Variants in CARMIL1 observed in about 807,000 individuals in gnomAD.
CARMIL1 encodes the protein capping protein regulator and myosin 1 linker 1.
In CARMIL1, 90 loss-of-function variants were observed where a neutral mutation model predicts 177.1. The observed-to-expected ratio is 0.51, with a 90% CI of 0.43 to 0.61. CARMIL1 has a LOEUF of 0.61. Ranked by LOEUF, CARMIL1 falls within the 20% of genes least tolerant of loss-of-function variation. The pLI is 0.00. For missense variants in CARMIL1, 1,380 were observed against 1,667.0 expected (o/e 0.83, Z 3.00); for synonymous variants, 577 against 606.2 (o/e 0.95, Z 0.71).
intron 26 of CARMIL1, among the ~76,000 whole-genome samples, chr6:25,542,249 T>C (rs372927894): frequency 6.6e-6 from 1 of 152,206 alleles, no homozygotes; most frequent in Non-Finnish European, 1.5e-5. Context: ...TTCCTTCTCA[T>C]TGCATGGAAT....
chr6:25,579,257 A>AG (rs771739584), intron 29 of CARMIL1, among the ~76,000 whole-genome samples: 23 of 52,182 alleles, frequency 4.4e-4, no homozygotes, highest in South Asian at 8.9e-4. Context: ...ATCAAGAGTC[A>AG]GGAAAAAAAA....
chr6:25,429,375 CTA>C (rs987650482), intron 4 of CARMIL1, among the ~76,000 whole-genome samples: 8 of 151,540 alleles, frequency 5.3e-5, no homozygotes, highest in Non-Finnish European at 1.2e-4. Flanking sequence ...TCATAAAATC[CTA>C]TGTCTCTGAC....
intron 24 of CARMIL1, among the ~76,000 whole-genome samples, chr6:25,529,808 G>A (rs565632740): frequency 2.0e-4 from 30 of 146,980 alleles, no homozygotes; most frequent in Non-Finnish European, 3.4e-4. Context: ...ATGAACAGGA[G>A]TAGTCAGAGA....
chr6:25,553,911 G>A, intron 27 of CARMIL1, 98 bp from the exon 28 acceptor site: 1 of 737,138 alleles, frequency 1.4e-6, no homozygotes, highest in Non-Finnish European at 2.4e-6. Flanking sequence ...GACAGAAATG[G>A]AATCACAGTT....
intron 2 of CARMIL1, among the ~76,000 whole-genome samples, chr6:25,306,020 C>T (rs1783231351): frequency 6.6e-6 from 1 of 152,042 alleles, no homozygotes; most frequent in Non-Finnish European, 1.5e-5. Context: ...CAATGTTATG[C>T]AACGTATCCA....
At chr6:25,535,636 T>C (rs1010618394) in intron 24 of CARMIL1, among the ~76,000 whole-genome samples, 4 of 152,242 alleles carry the variant, frequency 2.6e-5, no homozygotes, top group African/African-American at 9.6e-5. Context: ...CCATCTTCTA[T>C]GAGGTCTTCT....
intron 2 of CARMIL1, among the ~76,000 whole-genome samples, chr6:25,403,365 C>T (rs984356312): frequency 2.6e-5 from 4 of 152,164 alleles, no homozygotes; most frequent in South Asian, 4.1e-4. Flanking sequence ...AAGCTATTGC[C>T]GTTGGCCCCT....
intron 2 of CARMIL1, chr6:25,388,240 G>A (rs1215185649): frequency 6.6e-6 from 1 of 152,182 alleles, no homozygotes; most frequent in African/African-American, 2.4e-5. Context: ...AGTATTGAAA[G>A]GCTAATTTTT....
chr6:25,293,306 T>TGTGTGTGTG, intron 2 of CARMIL1, among the ~76,000 whole-genome samples: 1 of 56,204 alleles, frequency 1.8e-5, no homozygotes, highest in East Asian at 4.2e-4. Context: ...GTGTGTGTGT[T>TGTGTGTGTG]TTGTAGCAGT....
At chr6:25,375,980 T>C (rs956158751) in intron 2 of CARMIL1, among the ~76,000 whole-genome samples, 6 of 152,238 alleles carry the variant, frequency 3.9e-5, no homozygotes, top group Admixed American at 3.9e-4. Flanking sequence ...ATTCTTTATC[T>C]GGTATTTCAA....
chr6:25,608,822 C>T (rs1040500839), intron 35 of CARMIL1, among the ~76,000 whole-genome samples: 3 of 152,104 alleles, frequency 2.0e-5, no homozygotes, highest in African/African-American at 4.8e-5. Flanking sequence ...TTGTCTTCTA[C>T]GTGCACAGAC....
intron 2 of CARMIL1, among the ~76,000 whole-genome samples, chr6:25,321,890 C>T (rs1784703237): frequency 6.6e-6 from 1 of 152,054 alleles, no homozygotes; most frequent in African/African-American, 2.4e-5. Context: ...AATCTCCTGA[C>T]CTCATGATCC....
intron 2 of CARMIL1, among the ~76,000 whole-genome samples, chr6:25,358,252 A>G (rs1010561232): frequency 2.0e-5 from 3 of 152,232 alleles, no homozygotes; most frequent in African/African-American, 4.8e-5. Context: ...AGTAAAAGAT[A>G]GATTTCATTT....
At chr6:25,403,192 G>A (rs75445224) in intron 2 of CARMIL1, among the ~76,000 whole-genome samples, 1 of 151,740 alleles carries the variant, frequency 6.6e-6, no homozygotes, top group Non-Finnish European at 1.5e-5. Flanking sequence ...TATTTCATGG[G>A]TGTAAACCAA....
chr6:25,478,607 T>C (rs923194098), intron 11 of CARMIL1, among the ~76,000 whole-genome samples: 1 of 152,094 alleles, frequency 6.6e-6, no homozygotes, highest in East Asian at 1.9e-4. Context: ...CCATCCTGGC[T>C]AACACAGTGA....
rs558268491 is a variant in CARMIL1 at position 25,537,343 on chromosome 6, A to G, written c.2068-512A>G. 8.5e-5 allele frequency among the ~76,000 whole-genome samples: 13 copies of G among 152,278 alleles called. No individual in the cohort carries two copies. The South Asian group carries it at 2.3e-3, about 27-fold the overall frequency. On this transcript the variant is annotated intron_variant, in intron 24 of 36. Coordinates refer to ENST00000329474, the MANE Select transcript of CARMIL1 (RefSeq NM_017640.6). Reference sequence around the variant, plus strand: ...AATTGAATCGATTTTTAAAATACCAATTTTTAAGAGATGTTCTGGTTTCTA... The same window carrying G: ...AATTGAATCGATTTTTAAAATACCAGTTTTTAAGAGATGTTCTGGTTTCTA...
chr6:25,583,771 T>C (rs765418928), intron 31 of CARMIL1, among the ~76,000 whole-genome samples: 2 of 152,158 alleles, frequency 1.3e-5, no homozygotes, highest in Admixed American at 6.5e-5. Flanking sequence ...TATACTTACC[T>C]TTCTCTTTTT....
chr6:25,566,648 A>G lies in CARMIL1; in HGVS notation c.2742+9798A>G, dbSNP rs149431257. Reference sequence around the variant, plus strand: ...AGGTATAAGCTTCTGGCAGGCCAGGACTTTGTGCTGTTGACCACATATCCC... The same window carrying G: ...AGGTATAAGCTTCTGGCAGGCCAGGGCTTTGTGCTGTTGACCACATATCCC... On this transcript the variant is annotated intron_variant, in intron 29 of 36. Coordinates refer to ENST00000329474, the MANE Select transcript of CARMIL1 (RefSeq NM_017640.6). Among the ~76,000 whole-genome samples, 56 of 152,336 alleles carry G rather than the reference A, an allele frequency of 3.7e-4. No homozygotes were observed. The East Asian group carries it at 9.6e-3, about 26-fold the overall frequency.
intron 35 of CARMIL1, among the ~76,000 whole-genome samples, chr6:25,609,380 C>G (rs556560483): frequency 6.6e-6 from 1 of 151,598 alleles, no homozygotes; most frequent in Non-Finnish European, 1.5e-5. Context: ...GCAGGAGAAT[C>G]GCTTAGACCC....
Sources: allele counts gnomAD v4.1 joint callset (sites outside exome capture counted in the v4.1 genomes callset), GRCh38; gene constraint gnomAD v4.1.1; transcripts MANE v1.5; gene names NCBI Gene and HGNC (gene_info 2026-07-23, HGNC 2026-07-21).